PCSK7: variants seen among roughly 807,000 people sequenced by gnomAD.
PCSK7 encodes lymphoma proprotein convertase.
A neutral mutation model predicts 73.3 loss-of-function variants in PCSK7; 38 were observed. The observed-to-expected ratio is 0.52, with a 90% confidence interval of 0.40 to 0.68. PCSK7 has a LOEUF of 0.68. Ranked by LOEUF, PCSK7 falls within the 30% of genes least tolerant of loss-of-function variation. The pLI is 0.00. For missense variants in PCSK7, 692 were observed against 991.5 expected (o/e 0.70, Z 4.06); for synonymous variants, 296 against 383.8 (o/e 0.77, Z 2.68).
At position 117,206,141 on chromosome 11, in the gene PCSK7, G is replaced by C. The variant is rs2031360536; in HGVS notation, c.2214C>G (p.Ser738Arg). Residue 738 changes from serine to arginine, a missense_variant, in exon 17 of 17, where the codon AGC (serine) becomes AGG (arginine). Physicochemically the swap from Ser to Arg is moderately radical, Grantham distance 110. Around this residue, in one of 6 missense-constraint regions of PCSK7, gnomAD observed 78 missense variants for 102.6 expected, o/e 0.76. Coordinates refer to ENST00000320934, the MANE Select transcript of PCSK7 (RefSeq NM_004716.4). ...SKDPDEVETE[S>R]RGPPTTSDLL... ...GGTCAGAGGTGGTGGGAGGGCCCCT[G>C]CTCTCTGTTTCCACTTCGTCTGGAT... The C allele has an allele frequency of 6.2e-7, 1 of 1,605,590 alleles. No homozygotes were observed. The highest frequency in any genetic ancestry group is 1.3e-5 in the African/African-American group (1 of 74,442).
chr11:117,219,364 G>T, intron 10 of PCSK7, 200 bp from the exon 11 acceptor site: 1 of 632,650 alleles, frequency 1.6e-6, no homozygotes, highest in Non-Finnish European at 2.7e-6. Context: ...TGCTTCTAGA[G>T]AAGGGGCCAG....
rs532133823 is a variant in PCSK7 at position 117,204,646 on chromosome 11, G to T, written c.*1351C>A. 2.9e-4 allele frequency: 147 copies of T among 510,564 alleles called. No homozygotes were observed. The highest frequency in any genetic ancestry group is 2.7e-3 in the South Asian group (143 of 52,300). The allele number at this position is 510,564 out of a possible 1,614,324, so 31.6% of individuals were successfully genotyped here. On this transcript the variant is annotated 3_prime_UTR_variant, in exon 17 of 17. Coordinates refer to ENST00000320934, the MANE Select transcript of PCSK7 (RefSeq NM_004716.4). Reference sequence around the variant, plus strand: ...TAAGCAGGGGAGAAGCGGGCTGGGGGTAGCCTGGATGTGGGCCAAGTCCAC... The same window carrying T: ...TAAGCAGGGGAGAAGCGGGCTGGGGTTAGCCTGGATGTGGGCCAAGTCCAC...
At chr11:117,222,953 G>A (rs2032262730) in intron 9 of PCSK7, 2 of 450,614 alleles carry the variant, frequency 4.4e-6, no homozygotes, top group Non-Finnish European at 8.1e-6. Context: ...GGCCCCATGT[G>A]ACACTTAGTT....
intron 1 of PCSK7, among the ~76,000 whole-genome samples, chr11:117,231,534 C>A (rs2032666158): frequency 6.6e-6 from 1 of 152,184 alleles, no homozygotes; most frequent in Admixed American, 6.5e-5. Context: ...CCACAGATGT[C>A]AGGAAGAAAG....
At chr11:117,217,065 T>A (rs1295925813) in intron 12 of PCSK7, 2 of 152,146 alleles carry the variant, frequency 1.3e-5, no homozygotes, top group African/African-American at 4.8e-5. Context: ...AATCTTTCCC[T>A]CCCTTCTCTT....
chr11:117,218,625 T>A lies in PCSK7; in HGVS notation c.1432-57A>T. 1.1e-6 allele frequency: 1 copy of A among 945,944 alleles called. No individual in the cohort carries two copies. The highest frequency in any genetic ancestry group is 1.7e-6 in the Non-Finnish European group (1 of 602,840). The allele number at this position is 945,944 out of a possible 1,614,324, so 58.6% of individuals were successfully genotyped here. ...ACAAACAAGAATGATCACACCCACATTCTCACAAACACACACGCCCTTGTC... is the reference window on the plus strand; with the variant it reads ...ACAAACAAGAATGATCACACCCACAATCTCACAAACACACACGCCCTTGTC... On this transcript the variant is annotated intron_variant, in intron 11 of 16. Coordinates refer to ENST00000320934, the MANE Select transcript of PCSK7 (RefSeq NM_004716.4). The surrounding 1 kb of genome is among the most constrained non-coding windows in gnomAD (Gnocchi z 4.0).
At chr11:117,223,695 G>C (rs1244159187) in intron 8 of PCSK7, 2 of 351,338 alleles carry the variant, frequency 5.7e-6, no homozygotes, top group Non-Finnish European at 1.0e-5. Flanking sequence ...CCTAGAGTCA[G>C]GTAGAAGTCA....
chr11:117,223,931 C>T (rs1467162041), intron 8 of PCSK7, 147 bp downstream of exon 8: 3 of 787,234 alleles, frequency 3.8e-6, no homozygotes, highest in South Asian at 1.6e-5. Context: ...GTCCCAAGGT[C>T]CTCTGCAAGC....
chr11:117,214,179 G>C (rs1389361589), intron 12 of PCSK7: 4 of 151,812 alleles, frequency 2.6e-5, no homozygotes, highest in Admixed American at 2.6e-4. Flanking sequence ...GGATGGTCTC[G>C]ATCTCCTGAC....
At chr11:117,224,779 G>C (rs748859806) in intron 6 of PCSK7, 24 bp from the exon 7 acceptor site, 1 of 1,598,508 alleles carries the variant, frequency 6.3e-7, no homozygotes, top group Non-Finnish European at 8.6e-7. Flanking sequence ...AATACCTAGA[G>C]GGGACAGCCA....
intron 9 of PCSK7, 111 bp from the exon 10 acceptor site, chr11:117,219,869 T>C (rs2032125787): frequency 2.7e-6 from 2 of 732,220 alleles, no homozygotes; most frequent in Non-Finnish European, 4.4e-6. Context: ...GAGGATTGCT[T>C]GAGCACAGGA....
intron 7 of PCSK7, 113 bp from the exon 8 acceptor site, chr11:117,224,329 G>C: frequency 9.5e-7 from 1 of 1,047,876 alleles, no homozygotes; most frequent in Non-Finnish European, 1.4e-6. Context: ...AAAGTTCAAA[G>C]GGCACTGGGC....
rs370785839 is a variant in PCSK7, at chr11:117,224,639, T to C, written c.915+62A>G. 2.0e-5 allele frequency: 27 copies of C among 1,327,370 alleles called. No homozygotes were observed. The African/African-American group carries it at 3.7e-4, about 18-fold the overall frequency. The allele number at this position is 1,327,370 out of a possible 1,614,324, so 82.2% of individuals were successfully genotyped here. ...GGGAAGATGGGTCAACTTGCAGCAG[T>C]TCTCCCGGGACTGTATGAAGAGGGC... On this transcript the variant is annotated intron_variant, in intron 7 of 16. Coordinates refer to ENST00000320934, the MANE Select transcript of PCSK7 (RefSeq NM_004716.4).
intron 1 of PCSK7, 95 bp downstream of exon 1, chr11:117,231,932 T>C (rs2252145): frequency 0.36 from 54,750 of 152,872 alleles, 11,338 homozygotes; most frequent in East Asian, 0.64. Flanking sequence ...TCAGGCACCC[T>C]CTGTGCAGCT....
rs2032312431 is a variant in PCSK7 at position 117,224,084 on chromosome 11, T to C, written c.1048A>G (p.Thr350Ala). The change falls in exon 8 of 17, where the codon ACC (threonine) becomes GCC (alanine). Residue 350 changes from threonine (T) to alanine (A), a missense_variant. Transcript: ENST00000320934. Reference sequence around the variant, plus strand: ...AGAAACATTGGGTGACTACCTATGGTGACGGTGTAGATGGAGTTGGCGTAG... The same window carrying C: ...AGAAACATTGGGTGACTACCTATGGCGACGGTGTAGATGGAGTTGGCGTAG... The part of the protein sequence containing the change: ...DGYANSIYTV[T>A]IGAVDEEGRM... 1.2e-6 allele frequency: 2 copies of C among 1,614,238 alleles called. No homozygotes were observed. The highest frequency in any genetic ancestry group is 1.7e-6 in the Non-Finnish European group (2 of 1,180,026).
chr11:117,206,393 T>G, intron 16 of PCSK7, 37 bp from the exon 17 acceptor site: 10 of 1,579,016 alleles, frequency 6.3e-6, no homozygotes, highest in South Asian at 1.2e-5. Context: ...AGGCACTGTT[T>G]CCCGAAGCCT....
At chr11:117,229,239 G>A (rs1242448749) in intron 3 of PCSK7, 138 bp downstream of exon 3, 1 of 736,404 alleles carries the variant, frequency 1.4e-6, no homozygotes, top group Non-Finnish European at 2.3e-6. Context: ...GGAGAGCCTA[G>A]GGAAACACCA....
chr11:117,212,441 T>C (rs1291477795), intron 12 of PCSK7: 1 of 149,878 alleles, frequency 6.7e-6, no homozygotes, highest in Non-Finnish European at 1.5e-5. Flanking sequence ...AGTCTTGCTC[T>C]GTTGCCTAGG....
chr11:117,219,031 A>C (rs1215337567), intron 11 of PCSK7, 26 bp downstream of exon 11: 1 of 1,541,278 alleles, frequency 6.5e-7, no homozygotes, highest in Non-Finnish European at 8.9e-7. Context: ...CACACAGGGC[A>C]CCCTGCCCTG....
Sources: gnomAD v4.1 joint callset for allele counts (sites outside exome capture counted in the v4.1 genomes callset) on GRCh38, gnomAD v4.1.1 for gene constraint, gnomAD v4.1.1 regional missense constraint, Gnocchi (gnomAD v3.1) non-coding constraint, MANE v1.5 for transcripts, NCBI Gene and HGNC (gene_info 2026-07-23, HGNC 2026-07-21) for gene names.